Variants in EXOC6 observed in about 807,000 individuals in gnomAD.
EXOC6 encodes the protein SEC15-like 1.
A neutral mutation model predicts 112.5 loss-of-function variants in EXOC6; 60 were observed. That is an observed-to-expected ratio of 0.53 (90% CI 0.43 to 0.66). EXOC6 has a LOEUF of 0.66. Among genes scored for constraint, EXOC6 ranks in the 30% least tolerant of loss-of-function variants. The probability of loss-of-function intolerance (pLI) is 0.00; values close to 1 mark genes in which losing one functional copy is unlikely to be tolerated. For missense variants in EXOC6, 855 were observed against 957.1 expected, an observed-to-expected ratio of 0.89 and a Z score of 1.41; for synonymous variants, 295 against 308.0, an observed-to-expected ratio of 0.96 and a Z score of 0.44.
chr10:93,001,498 C>G (rs1325290965), intron 19 of EXOC6, among the ~76,000 whole-genome samples: 1 of 152,188 alleles, frequency 6.6e-6, no homozygotes, highest in Non-Finnish European at 1.5e-5. Context: ...GGGTTAGAGT[C>G]ACCACCAGTC....
At chr10:92,977,673 G>GCA (rs1459848368) in intron 18 of EXOC6, among the ~76,000 whole-genome samples, 1 of 151,036 alleles carries the variant, frequency 6.6e-6, no homozygotes, top group Non-Finnish European at 1.5e-5. Context: ...GTACGTGCTT[G>GCA]CAGACACACA....
intron 19 of EXOC6, among the ~76,000 whole-genome samples, chr10:93,007,800 T>C (rs1446004863): frequency 1.3e-5 from 2 of 152,254 alleles, no homozygotes; most frequent in African/African-American, 4.8e-5. Flanking sequence ...TAGGCTGATA[T>C]AGCAGAGTTT....
chr10:92,828,249 A>G (rs553799519), intron 1 of EXOC6, among the ~76,000 whole-genome samples: 4 of 152,166 alleles, frequency 2.6e-5, no homozygotes, highest in African/African-American at 9.7e-5. Context: ...TTTCCAGGAC[A>G]ATTTTGAATA....
chr10:92,987,819 C>T (rs1843070254), intron 18 of EXOC6, among the ~76,000 whole-genome samples: 1 of 152,056 alleles, frequency 6.6e-6, no homozygotes, highest in Non-Finnish European at 1.5e-5. Context: ...GTTTGTGAAG[C>T]AGTCAAGATT....
chr10:92,840,098 G>A (rs76885726), intron 1 of EXOC6, among the ~76,000 whole-genome samples: 1,828 of 147,742 alleles, frequency 0.012, 37 homozygotes, highest in African/African-American at 0.044. Flanking sequence ...TAAAGATAAC[G>A]TGCTTTTAGG....
chr10:93,054,561 G>C (rs967266847), intron 20 of EXOC6, among the ~76,000 whole-genome samples: 1 of 152,238 alleles, frequency 6.6e-6, no homozygotes. Context: ...ATTTGCATAT[G>C]AGTATCTGAC....
chr10:92,887,803 G>A (rs1042710795), intron 1 of EXOC6, among the ~76,000 whole-genome samples: 1 of 152,152 alleles, frequency 6.6e-6, no homozygotes, highest in Non-Finnish European at 1.5e-5. Context: ...TTTTTCTAGG[G>A]CCAGCATTCT....
intron 1 of EXOC6, among the ~76,000 whole-genome samples, chr10:92,885,571 G>A (rs1849171235): frequency 6.6e-6 from 1 of 152,118 alleles, no homozygotes; most frequent in Non-Finnish European, 1.5e-5. Flanking sequence ...TAGAGACAGC[G>A]TTTCACCATA....
chr10:92,920,972 A>G (rs1253933480), intron 8 of EXOC6, among the ~76,000 whole-genome samples: 1 of 152,062 alleles, frequency 6.6e-6, no homozygotes, highest in Non-Finnish European at 1.5e-5. Flanking sequence ...GTCTCTTTGT[A>G]TCTTTGAATC....
At chr10:92,876,813 C>T (rs1000439458) in intron 1 of EXOC6, among the ~76,000 whole-genome samples, 12 of 152,306 alleles carry the variant, frequency 7.9e-5, no homozygotes, top group African/African-American at 2.6e-4. Context: ...AAATCACTGA[C>T]ACTTTTACCC....
At position 92,975,761 on chromosome 10, in the gene EXOC6, C is replaced by T. The variant is rs538797169; in HGVS notation, c.1953+1529C>T. 4.3e-3 allele frequency among the ~76,000 whole-genome samples: 571 copies of T among 133,320 alleles called. 6 individuals are homozygous for T. Among genetic ancestry groups the T allele is most frequent in the Non-Finnish European group, 6.6e-3 (397 of 60,482 alleles). 87.5% of individuals were successfully genotyped at this position (133,320 alleles called of 152,430 possible). A position where few individuals can be genotyped will look rare whatever the true frequency, so the allele number is the denominator to read the frequency against. On this transcript the variant is annotated intron_variant, in intron 18 of 21. Transcript: ENST00000260762. ...GGAGGTCGGGGGGCCAGCCCCCCGC[C>T]GGGCCAGCCGCCCCATCCGGGAGGG...
chr10:93,055,424 G>A (rs74151818), intron 20 of EXOC6, among the ~76,000 whole-genome samples: 5,381 of 151,982 alleles, frequency 0.035, 183 homozygotes, highest in East Asian at 0.13. Flanking sequence ...TCTGTTTCTC[G>A]AAGTTGCATT....
At chr10:93,036,491 T>A (rs906281152) in intron 20 of EXOC6, among the ~76,000 whole-genome samples, 6 of 152,202 alleles carry the variant, frequency 3.9e-5, no homozygotes, top group Middle Eastern at 3.2e-3. Flanking sequence ...CCATAATTTA[T>A]TAAACAAGTC....
At chr10:93,050,759 CAAA>C (rs58439083) in intron 20 of EXOC6, among the ~76,000 whole-genome samples, 18 of 37,306 alleles carry the variant, frequency 4.8e-4, no homozygotes, top group South Asian at 2.0e-3. Flanking sequence ...GACTCCGTCT[CAAA>C]AAAAAAAAAA....
At chr10:92,974,960 G>C (rs374100756) in intron 18 of EXOC6, among the ~76,000 whole-genome samples, 1 of 152,200 alleles carries the variant, frequency 6.6e-6, no homozygotes. Context: ...CCAAAGTGCC[G>C]AGATTGCAGC....
intron 20 of EXOC6, among the ~76,000 whole-genome samples, chr10:93,031,625 GC>G (rs1845281231): frequency 6.8e-6 from 1 of 146,788 alleles, no homozygotes; most frequent in Non-Finnish European, 1.5e-5. Flanking sequence ...CGATTTTCCT[GC>G]CTCAGCCTCC....
At chr10:92,880,410 A>G (rs1435963945) in intron 1 of EXOC6, among the ~76,000 whole-genome samples, 1 of 151,994 alleles carries the variant, frequency 6.6e-6, no homozygotes, top group African/African-American at 2.4e-5. Context: ...CGGAACCCCC[A>G]GATACAGAGG....
At chr10:92,858,900 G>C (rs1847758742) in intron 1 of EXOC6, among the ~76,000 whole-genome samples, 1 of 152,054 alleles carries the variant, frequency 6.6e-6, no homozygotes, top group African/African-American at 2.4e-5. Context: ...CAAGTACCTG[G>C]ACTACAGGCG....
chr10:92,866,469 G>A (rs1848180087), intron 1 of EXOC6, among the ~76,000 whole-genome samples: 2 of 151,938 alleles, frequency 1.3e-5, no homozygotes, highest in South Asian at 4.2e-4. Context: ...CAGTCGTCTT[G>A]GGTTCTGTTG....
Sources: gnomAD v4.1 joint callset for allele counts (sites outside exome capture counted in the v4.1 genomes callset) on GRCh38, gnomAD v4.1.1 for gene constraint, MANE v1.5 for transcripts, NCBI Gene and HGNC (gene_info 2026-07-23, HGNC 2026-07-21) for gene names.